The following FMO2 variants were observed in gnomAD, a reference collection of about 807,000 sequenced individuals.
The protein encoded by FMO2 is flavin containing dimethylaniline monoxygenase 2.
In FMO2, 33 loss-of-function variants were observed where a neutral mutation model predicts 41.6. That is an observed-to-expected ratio of 0.79 (90% CI 0.60 to 1.06). The LOEUF (loss-of-function observed/expected upper bound fraction) is 1.06. FMO2 is among the 50% of genes least tolerant of loss of function. FMO2 has a pLI of 0.00. For synonymous variants in FMO2, 214 were observed against 219.6 expected (o/e 0.97, Z 0.23); for missense variants, 619 against 632.9 (o/e 0.98, Z 0.23).
rs1658969406 is a variant in FMO2, at chr1:171,211,271, A to G, written c.*2126A>G. 1 of 152,206 alleles carries G rather than the reference A, an allele frequency of 6.6e-6. No homozygotes were observed. Among genetic ancestry groups the G allele is most frequent in the South Asian group, 2.1e-4 (1 of 4,836 alleles). 9.4% of individuals were successfully genotyped at this position (152,206 alleles called of 1,614,324 possible). On this transcript the variant is annotated 3_prime_UTR_variant, in exon 9 of 9. Transcript: ENST00000209929. ...TCATTTATTTTCTGTGGTTGCTTTC[A>G]AGCTACAATTGTAGAGTTGGGTAGT...
chr1:171,185,908 ACTGATGGGT>A, intron 2 of FMO2, 63 bp downstream of exon 2: 2 of 1,498,534 alleles, frequency 1.3e-6, no homozygotes, highest in Admixed American at 1.7e-5. Flanking sequence ...AATCACAGTT[ACTGATGGGT>A]CATATTGAGA....
chr1:171,189,847 T>A (rs7534749), intron 2 of FMO2, among the ~76,000 whole-genome samples: 3 of 151,634 alleles, frequency 2.0e-5, no homozygotes, highest in Non-Finnish European at 4.4e-5. Context: ...CATTTGGGAA[T>A]TGCAATTTTG....
chr1:171,185,988 C>A, intron 2 of FMO2, 143 bp downstream of exon 2: 1 of 912,140 alleles, frequency 1.1e-6, no homozygotes, highest in Non-Finnish European at 1.6e-6. Flanking sequence ...CATAATGGAA[C>A]TGAAGTCATA....
At chr1:171,202,465 A>C (rs938347244) in intron 5 of FMO2, among the ~76,000 whole-genome samples, 4 of 152,052 alleles carry the variant, frequency 2.6e-5, no homozygotes, top group African/African-American at 9.7e-5. Flanking sequence ...ATTCTGGTTT[A>C]CTCCAGACAT....
intron 3 of FMO2, among the ~76,000 whole-genome samples, chr1:171,194,484 A>G (rs7555557): frequency 0.4 from 60,507 of 152,124 alleles, 12,832 homozygotes; most frequent in East Asian, 0.55. Context: ...TTGGCCAGGT[A>G]TGGTGATTCA....
intron 6 of FMO2, among the ~76,000 whole-genome samples, 183 bp from the exon 7 acceptor site, chr1:171,205,096 G>A (rs1171013130): frequency 6.6e-6 from 1 of 152,142 alleles, no homozygotes; most frequent in African/African-American, 2.4e-5. Flanking sequence ...ATTGACAAGA[G>A]ATATTTGTGA....
Position 171,210,989 on chromosome 1 carries a change from T to C in FMO2, c.*1844T>C, listed in dbSNP as rs1425205716. The C allele has an allele frequency of 1.3e-5, 2 of 148,790 alleles. No individual in the cohort carries two copies. Among genetic ancestry groups the C allele is most frequent in the African/African-American group, 5.2e-5 (2 of 38,416 alleles). The allele number at this position is 148,790 out of a possible 1,614,324, so 9.2% of individuals were successfully genotyped here. A position where few individuals can be genotyped will look rare whatever the true frequency, so the allele number is the denominator to read the frequency against. ...TTACACCAGAATTTACAGGCAAGAT[T>C]TTTTTTTTCATTGCTCCCATAAGCA... On this transcript the variant is annotated 3_prime_UTR_variant, in exon 9 of 9. Transcript: ENST00000209929.
chr1:171,193,467 G>GAATATTTC lies in FMO2; in HGVS notation c.267_274dup (p.Arg92AsnfsTer13). The GAATATTTC allele has an allele frequency of 1.2e-6, 2 of 1,611,954 alleles. No homozygotes were observed. On this transcript the variant is annotated frameshift_variant, in exon 3 of 9. Coordinates refer to ENST00000209929, the MANE Select transcript of FMO2 (RefSeq NM_001460.5). LOFTEE classifies it high-confidence loss of function. ...CTTCCTGCATAATTCTAAACTTCTG[G>GAATATTTC]AATATTTCAGGATTTTTGCTAAAAA...
chr1:171,211,585 T>A lies in FMO2; in HGVS notation c.*2440T>A, dbSNP rs1008779543. On this transcript the variant is annotated 3_prime_UTR_variant, in exon 9 of 9. Coordinates refer to ENST00000209929, the MANE Select transcript of FMO2 (RefSeq NM_001460.5). ...TATCCCTAAAATTTTTAGAAATCTCTCAAAATCTTTCCAAATGTTCTGGTA... is the reference window on the plus strand; with the variant it reads ...TATCCCTAAAATTTTTAGAAATCTCACAAAATCTTTCCAAATGTTCTGGTA... 6.6e-6 allele frequency among the ~76,000 whole-genome samples: 1 copy of A among 152,202 alleles called. No homozygotes were observed. The highest frequency in any genetic ancestry group is 2.1e-4 in the South Asian group (1 of 4,834).
chr1:171,185,397 A>C (rs1448216665), intron 1 of FMO2, 38 bp downstream of exon 1: 5 of 187,120 alleles, frequency 2.7e-5, no homozygotes, highest in Admixed American at 5.7e-5. Flanking sequence ...TGAAAAGGAA[A>C]AGCTCAGAAC....
chr1:171,199,977 A>C (rs1220678886), intron 5 of FMO2, among the ~76,000 whole-genome samples: 2 of 152,090 alleles, frequency 1.3e-5, no homozygotes, highest in African/African-American at 4.8e-5. Flanking sequence ...TCAGCCTCCC[A>C]AAGTGCTGGG....
chr1:171,205,326 T>C lies in FMO2; in HGVS notation c.875T>C (p.Leu292Pro). The C allele has an allele frequency of 6.2e-7, 1 of 1,613,746 alleles. No homozygotes were observed. Among genetic ancestry groups the C allele is most frequent in the Non-Finnish European group, 8.5e-7 (1 of 1,179,726 alleles). ...CTAAATGATGATGTCCCAAGTCGTC[T>C]ACTCTGTGGAGCCATCAAGGTGAAA... ...PVLNDDVPSRLLCGAIKVKST... is the reference protein window; with the variant it reads ...PVLNDDVPSRPLCGAIKVKST... Residue 292 changes from leucine (L) to proline (P), a missense_variant, in exon 7 of 9, where the codon CTA becomes CCA. By Grantham distance (98) the Leu-to-Pro change is moderately conservative. Transcript: ENST00000209929.
In FMO2 at chr1:171,207,810, CT is replaced by C. The variant is rs1658827656; in HGVS notation, c.1256+23del. On this transcript the variant is annotated intron_variant, in intron 8 of 8. Transcript: ENST00000209929. ...TGACCTGTAAGAATTTTTTTTAATT[CT>C]TTACATGAAGCAGTGTTTCTCAAAG... The C allele has an allele frequency of 6.9e-7, 1 of 1,446,998 alleles. No individual in the cohort carries two copies. 89.6% of individuals were successfully genotyped at this position (1,446,998 alleles called of 1,614,324 possible). A position where few individuals can be genotyped will look rare whatever the true frequency, so the allele number is the denominator to read the frequency against.
At chr1:171,193,760 T>C (rs1477020029) in intron 3 of FMO2, among the ~76,000 whole-genome samples, 1 of 149,638 alleles carries the variant, frequency 6.7e-6, no homozygotes, top group African/African-American at 2.5e-5. Flanking sequence ...TGAATAATAA[T>C]ATATTGATGT....
chr1:171,199,602 G>A, intron 5 of FMO2, 114 bp downstream of exon 5: 2 of 945,374 alleles, frequency 2.1e-6, no homozygotes, highest in South Asian at 4.7e-5. Context: ...TTGGTTGGTA[G>A]CGCATTGTGG....
intron 7 of FMO2, among the ~76,000 whole-genome samples, chr1:171,206,298 G>A (rs1658754894): frequency 6.6e-6 from 1 of 152,140 alleles, no homozygotes; most frequent in Non-Finnish European, 1.5e-5. Context: ...CACTTATCAT[G>A]GTAGAATAAG....
Position 171,205,418 on chromosome 1 carries a change from G to A in FMO2, c.967G>A (p.Asp323Asn), listed in dbSNP as rs772500774. The A allele has an allele frequency of 9.3e-6, 15 of 1,613,912 alleles. No individual in the cohort carries two copies. The Admixed American group carries it at 2.2e-4, about 23-fold the overall frequency. The change falls in exon 7 of 9, where the codon GAT (aspartate) becomes AAT (asparagine). Residue 323 changes from aspartate (D) to asparagine (N), a missense_variant. Transcript: ENST00000209929. The stretch of plus-strand genomic sequence containing the variant: ...GGATGGAACAGTGGAGGAGAACATT[G>A]ATGTCATCATTTTTGCAACAGGATA... The part of the protein sequence containing the change: ...FEDGTVEENI[D>N]VIIFATGYSF...
chr1:171,205,995 G>T (rs1658744799), intron 7 of FMO2, among the ~76,000 whole-genome samples: 4 of 152,112 alleles, frequency 2.6e-5, no homozygotes, highest in Admixed American at 2.6e-4. Context: ...CAGCATATCT[G>T]CAAATCAATT....
intron 8 of FMO2, 43 bp downstream of exon 8, chr1:171,207,833 A>C (rs1465673305): frequency 2.3e-6 from 3 of 1,279,418 alleles, no homozygotes; most frequent in Non-Finnish European, 3.4e-6. Flanking sequence ...AGTGTTTCTC[A>C]AAGTACAGTG....
Sources: allele counts gnomAD v4.1 joint callset (sites outside exome capture counted in the v4.1 genomes callset), GRCh38; gene constraint gnomAD v4.1.1; transcripts MANE v1.5; gene names NCBI Gene and HGNC (gene_info 2026-07-23, HGNC 2026-07-21).